CDH9: variants seen among roughly 807,000 people sequenced by gnomAD.
CDH9 encodes cadherin 9.
A neutral mutation model predicts 70.9 loss-of-function variants in CDH9; 28 were observed. The observed-to-expected ratio is 0.40, with a 90% CI of 0.29 to 0.54. The LOEUF (loss-of-function observed/expected upper bound fraction) is 0.54, where lower values mean the gene tolerates loss of function less well. Among genes scored for constraint, CDH9 ranks in the 20% least tolerant of loss-of-function variants. The pLI is 0.59. For synonymous variants in CDH9, 409 were observed against 343.1 expected, an observed-to-expected ratio of 1.19 and a Z score of -2.12; for missense variants, 874 against 984.4, an observed-to-expected ratio of 0.89 and a Z score of 1.50.
chr5:26,883,077 ATATATATATATATATAT>A (rs1338145107), intron 11 of CDH9, among the ~76,000 whole-genome samples: 4 of 131,784 alleles, frequency 3.0e-5, no homozygotes, highest in African/African-American at 8.5e-5. Context: ...ATATATATAT[ATATATATATATATATAT>A]AAAACTGCAG....
At chr5:26,909,387 A>T (rs1417871592) in intron 3 of CDH9, among the ~76,000 whole-genome samples, 1 of 151,994 alleles carries the variant, frequency 6.6e-6, no homozygotes, top group Non-Finnish European at 1.5e-5. Flanking sequence ...TATAATTTTT[A>T]TTTGTTCTTT....
intron 2 of CDH9, 128 bp from the exon 3 acceptor site, chr5:26,916,052 C>T (rs1341998855): frequency 9.9e-6 from 6 of 608,262 alleles, no homozygotes; most frequent in Non-Finnish European, 1.1e-5. Context: ...GTTATCTTGA[C>T]TTTTGCTGTG....
intron 2 of CDH9, among the ~76,000 whole-genome samples, chr5:26,960,528 A>C (rs1742016124): frequency 6.6e-6 from 1 of 151,986 alleles, no homozygotes; most frequent in Non-Finnish European, 1.5e-5. Flanking sequence ...AAAACAAACA[A>C]AAAAGTAACA....
At chr5:26,924,363 A>G (rs1741299271) in intron 2 of CDH9, among the ~76,000 whole-genome samples, 1 of 151,822 alleles carries the variant, frequency 6.6e-6, no homozygotes. Flanking sequence ...TCCAAAACCT[A>G]AACAGATGAA....
intron 2 of CDH9, among the ~76,000 whole-genome samples, chr5:26,924,295 G>C (rs1741298087): frequency 6.6e-6 from 1 of 151,644 alleles, no homozygotes; most frequent in Non-Finnish European, 1.5e-5. Flanking sequence ...GGAAAACCTA[G>C]AAGAAATGAA....
At chr5:26,956,698 A>G (rs966559847) in intron 2 of CDH9, among the ~76,000 whole-genome samples, 7 of 152,104 alleles carry the variant, frequency 4.6e-5, no homozygotes, top group African/African-American at 1.7e-4. Context: ...CAGAGAGAAG[A>G]TCCTTACAGG....
At chr5:26,884,039 T>C (rs932961498) in intron 11 of CDH9, among the ~76,000 whole-genome samples, 1 of 152,010 alleles carries the variant, frequency 6.6e-6, no homozygotes, top group Non-Finnish European at 1.5e-5. Flanking sequence ...ACTTTGCAAA[T>C]ATAAATTTCT....
chr5:26,993,831 C>T (rs150077071), intron 1 of CDH9, among the ~76,000 whole-genome samples: 16 of 150,892 alleles, frequency 1.1e-4, no homozygotes, highest in African/African-American at 3.9e-4. Flanking sequence ...CAGATAGTTT[C>T]TTCACAGGGC....
At chr5:26,907,448 A>T (rs1740969869) in intron 3 of CDH9, among the ~76,000 whole-genome samples, 1 of 152,098 alleles carries the variant, frequency 6.6e-6, no homozygotes, top group African/African-American at 2.4e-5. Context: ...CTCTATTGAT[A>T]TGCTGCATAA....
At chr5:26,971,702 G>A (rs1211466322) in intron 2 of CDH9, among the ~76,000 whole-genome samples, 1 of 152,100 alleles carries the variant, frequency 6.6e-6, no homozygotes, top group Non-Finnish European at 1.5e-5. Context: ...ATGCTAAGGG[G>A]ATAGGAAACG....
At chr5:26,999,496 GTAATC>G (rs1174066708) in intron 1 of CDH9, among the ~76,000 whole-genome samples, 3 of 152,140 alleles carry the variant, frequency 2.0e-5, no homozygotes, top group Non-Finnish European at 4.4e-5. Flanking sequence ...TGTAGGTACA[GTAATC>G]ATGATAGCAT....
intron 2 of CDH9, among the ~76,000 whole-genome samples, chr5:26,918,259 CTAAG>C (rs1434770078): frequency 1.3e-5 from 2 of 152,052 alleles, no homozygotes; most frequent in South Asian, 2.1e-4. Flanking sequence ...TTTCCTCTAA[CTAAG>C]TATTTGTCAT....
At chr5:26,914,373 G>T (rs546961075) in intron 3 of CDH9, among the ~76,000 whole-genome samples, 2 of 151,212 alleles carry the variant, frequency 1.3e-5, no homozygotes, top group African/African-American at 2.4e-5. Context: ...TTAAATTAGC[G>T]CACTGGTCGA....
chr5:27,021,208 T>A (rs1379690572), intron 1 of CDH9, among the ~76,000 whole-genome samples: 1 of 151,686 alleles, frequency 6.6e-6, no homozygotes, highest in African/African-American at 2.4e-5. Flanking sequence ...AGCAGTTTGG[T>A]TTTATGAATG....
At chr5:26,886,836 T>G (rs1416239144) in intron 9 of CDH9, among the ~76,000 whole-genome samples, 2 of 152,166 alleles carry the variant, frequency 1.3e-5, no homozygotes, top group African/African-American at 4.8e-5. Flanking sequence ...AAAATTTCAC[T>G]GAGCATTTTA....
chr5:26,968,268 G>A (rs1038540356), intron 2 of CDH9, among the ~76,000 whole-genome samples: 3 of 150,668 alleles, frequency 2.0e-5, no homozygotes, highest in African/African-American at 7.3e-5. Flanking sequence ...TTCTGGAATT[G>A]ATGGTGTCTG....
chr5:26,976,710 C>G (rs1742308017), intron 2 of CDH9, among the ~76,000 whole-genome samples: 1 of 152,040 alleles, frequency 6.6e-6, no homozygotes. Flanking sequence ...TTTGATTTCT[C>G]CATATATTGC....
At chr5:26,907,073 A>G (rs1340036265) in intron 3 of CDH9, among the ~76,000 whole-genome samples, 1 of 152,154 alleles carries the variant, frequency 6.6e-6, no homozygotes, top group African/African-American at 2.4e-5. Flanking sequence ...TATTATCAGT[A>G]AGGTGAATAT....
chr5:26,970,428 T>C (rs1170268352), intron 2 of CDH9, among the ~76,000 whole-genome samples: 1 of 152,054 alleles, frequency 6.6e-6, no homozygotes, highest in Non-Finnish European at 1.5e-5. Flanking sequence ...TTACCTAACA[T>C]GAGAAATGTG....
Sources: gnomAD v4.1 joint callset for allele counts (sites outside exome capture counted in the v4.1 genomes callset) on GRCh38, gnomAD v4.1.1 for gene constraint, MANE v1.5 for transcripts, NCBI Gene and HGNC (gene_info 2026-07-23, HGNC 2026-07-21) for gene names.